Variants in SEMA5B observed in about 807,000 individuals in gnomAD.
The protein encoded by SEMA5B is semaphorin 5B.
In SEMA5B, 66 loss-of-function variants were observed where a neutral mutation model predicts 135.0. The ratio of observed to expected loss-of-function variants is 0.49; its 90% CI spans 0.40 to 0.60. The LOEUF (loss-of-function observed/expected upper bound fraction) is 0.60. SEMA5B is among the 20% of genes least tolerant of loss of function. SEMA5B has a pLI of 0.00. For missense variants in SEMA5B, 1,501 were observed against 1,566.3 expected (o/e 0.96, Z 0.70); for synonymous variants, 690 against 639.5 (o/e 1.08, Z -1.19).
chr3:122,928,457 T>G (rs1354953343), intron 7 of SEMA5B, 60 bp downstream of exon 7: 33 of 1,365,974 alleles, frequency 2.4e-5, no homozygotes, highest in Admixed American at 2.2e-4. Context: ...GCTGTGTGCC[T>G]AGGCAGGAGA....
intron 18 of SEMA5B, 87 bp from the exon 19 acceptor site, chr3:122,912,429 G>T: frequency 7.9e-7 from 1 of 1,272,404 alleles, no homozygotes; most frequent in Non-Finnish European, 1.1e-6. Flanking sequence ...AGACCACTCT[G>T]CCCTGAGCCA....
rs905558723 is a variant in SEMA5B at position 122,911,944 on chromosome 3, G to C, written c.3022C>G (p.Pro1008Ala). The C allele has an allele frequency of 3.7e-6, 6 of 1,607,550 alleles. No individual in the cohort carries two copies. In the South Asian group the frequency reaches 6.6e-5, roughly 18 times the overall value. Residue 1008 changes from proline to alanine, a missense_variant, in exon 20 of 23, where the codon CCC becomes GCC. Physicochemically the swap from Pro to Ala is conservative, Grantham distance 27 (BLOSUM62 -1). Transcript: ENST00000357599. ...ACAGNSSQSR[P>A]CPYSEIPVIL... is the part of the protein sequence containing the mutation. ...CCGGGAATCTCGCTGTAGGGGCAGGGGCGGCTCTGGCTGCTGTTTCCAGCA... is the reference window on the plus strand; with the variant it reads ...CCGGGAATCTCGCTGTAGGGGCAGGCGCGGCTCTGGCTGCTGTTTCCAGCA...
intron 1 of SEMA5B, chr3:122,976,019 C>T (rs1394392653): frequency 5.2e-6 from 8 of 1,535,154 alleles, no homozygotes; most frequent in Non-Finnish European, 6.1e-6. Context: ...TTCGCTTCTG[C>T]TTGCCCGTCC....
At chr3:123,000,180 C>T (rs1229032975) in intron 1 of SEMA5B, among the ~76,000 whole-genome samples, 1 of 152,158 alleles carries the variant, frequency 6.6e-6, no homozygotes, top group African/African-American at 2.4e-5. Flanking sequence ...TGCACTCTAT[C>T]CTGGGCAACA....
chr3:122,970,440 G>A (rs1941059156), intron 1 of SEMA5B, among the ~76,000 whole-genome samples: 1 of 152,164 alleles, frequency 6.6e-6, no homozygotes, highest in Non-Finnish European at 1.5e-5. Flanking sequence ...CCAAGATTTT[G>A]CAATTCTAGC....
At chr3:122,935,122 G>C (rs1939191842) in intron 5 of SEMA5B, among the ~76,000 whole-genome samples, 1 of 152,234 alleles carries the variant, frequency 6.6e-6, no homozygotes, top group Admixed American at 6.5e-5. Context: ...TTTGCTTTAA[G>C]AGTAAAGTAC....
chr3:123,026,976 G>A, intron 1 of SEMA5B: 1 of 154,448 alleles, frequency 6.5e-6, no homozygotes, highest in Non-Finnish European at 1.4e-5. Context: ...GTGGAGCAGG[G>A]ACGTCCCTGA....
rs1236564712 is a variant in SEMA5B, at chr3:122,915,870, T to C, written c.1709A>G (p.Asp570Gly). 7.4e-6 allele frequency: 12 copies of C among 1,613,818 alleles called. No homozygotes were observed. The highest frequency in any genetic ancestry group is 1.0e-5 in the Non-Finnish European group (12 of 1,179,916). The stretch of plus-strand genomic sequence containing the variant: ...CTTCCCGTCCCAGCCACAGTACGGG[T>C]CCCGGGCCCCCAGGCATGCCCTGCC... ...RSQGACLGAR[D>G]PYCGWDGKQQ... is the part of the protein sequence containing the mutation. The change falls in exon 13 of 23, where the codon GAC (aspartate) becomes GGC (glycine). Residue 570 changes from aspartate to glycine, a missense_variant. Physicochemically the swap from Asp to Gly is moderately conservative, Grantham distance 94 (BLOSUM62 -1). Around this residue, in one of 2 missense-constraint regions of SEMA5B, gnomAD observed 927 missense variants for 881.6 expected, o/e 1.05. Transcript: ENST00000357599.
At chr3:122,943,268 A>G (rs1939642950) in intron 4 of SEMA5B, among the ~76,000 whole-genome samples, 168 bp downstream of exon 4, 1 of 152,148 alleles carries the variant, frequency 6.6e-6, no homozygotes, top group Admixed American at 6.5e-5. Flanking sequence ...ACCCAGCCGA[A>G]ACACGCTTCC....
chr3:122,928,085 C>CT, intron 7 of SEMA5B, 82 bp from the exon 8 acceptor site: 1 of 1,028,978 alleles, frequency 9.7e-7, no homozygotes, highest in Non-Finnish European at 1.4e-6. Flanking sequence ...TTGTTTCCTC[C>CT]TGTGCCCCAG....
At chr3:122,952,990 C>A (rs193052662) in intron 2 of SEMA5B, among the ~76,000 whole-genome samples, 1 of 152,204 alleles carries the variant, frequency 6.6e-6, no homozygotes, top group Non-Finnish European at 1.5e-5. Flanking sequence ...TCCCAAACCC[C>A]CTTCCTACAC....
At position 122,941,803 on chromosome 3, in the gene SEMA5B, T is replaced by C. The variant is rs369612329; in HGVS notation, c.428+1633A>G. On this transcript the variant is annotated intron_variant, in intron 4 of 22. Coordinates refer to ENST00000357599, the MANE Select transcript of SEMA5B (RefSeq NM_001031702.4). ...ATCAAGGCCAGTTTCCTGATTTTAA[T>C]GTTGTCCTACAGTTATGCAAGATGT... 8.5e-5 allele frequency among the ~76,000 whole-genome samples: 13 copies of C among 152,384 alleles called. No individual in the cohort carries two copies. In the East Asian group the frequency reaches 2.3e-3, roughly 27 times the overall value.
intron 1 of SEMA5B, among the ~76,000 whole-genome samples, chr3:123,024,514 G>A (rs1415013880): frequency 6.6e-6 from 1 of 152,224 alleles, no homozygotes; most frequent in African/African-American, 2.4e-5. Context: ...ATGGGGACAG[G>A]AGATCTGAAT....
intron 4 of SEMA5B, among the ~76,000 whole-genome samples, chr3:122,943,053 C>T (rs1454794053): frequency 1.3e-5 from 2 of 152,336 alleles, no homozygotes; most frequent in African/African-American, 2.4e-5. Context: ...TGCAGGCCGC[C>T]GGCTGGCCGG....
At chr3:122,914,119 T>C (rs1458734960) in intron 14 of SEMA5B, 118 bp from the exon 15 acceptor site, 3 of 1,127,500 alleles carry the variant, frequency 2.7e-6, no homozygotes, top group South Asian at 3.7e-5. Flanking sequence ...GACAGTGACA[T>C]AGAAATATCT....
At position 122,910,107 on chromosome 3, in the gene SEMA5B, T is replaced by C. The variant is rs764068663; in HGVS notation, c.*36A>G. 6 of 1,604,796 alleles carry C rather than the reference T, an allele frequency of 3.7e-6. No individual in the cohort carries two copies. The highest frequency in any genetic ancestry group is 1.3e-5 in the African/African-American group (1 of 74,810). ...CCATCTCCATCTGCTCTGTGCCTTATGAAGGCAAGAAGCCCAAGTCCCCAG... is the reference window on the plus strand; with the variant it reads ...CCATCTCCATCTGCTCTGTGCCTTACGAAGGCAAGAAGCCCAAGTCCCCAG... On this transcript the variant is annotated 3_prime_UTR_variant, in exon 23 of 23. Coordinates refer to ENST00000357599, the MANE Select transcript of SEMA5B (RefSeq NM_001031702.4).
intron 19 of SEMA5B, 49 bp downstream of exon 19, chr3:122,912,123 T>A (rs1291401330): frequency 1.3e-6 from 2 of 1,587,368 alleles, no homozygotes; most frequent in East Asian, 4.5e-5. Flanking sequence ...CTGGTGGGGA[T>A]CAGAGGGCTC....
rs1405485212 is a variant in SEMA5B, at chr3:122,912,074, G to C, written c.2897-5C>G. 6.2e-7 allele frequency: 1 copy of C among 1,607,768 alleles called. No homozygotes were observed. The highest frequency in any genetic ancestry group is 2.2e-5 in the East Asian group (1 of 44,658). On this transcript the variant is annotated splice_region_variant and splice_polypyrimidine_tract_variant and intron_variant, in intron 19 of 22. Coordinates refer to ENST00000357599, the MANE Select transcript of SEMA5B (RefSeq NM_001031702.4). ...CAGACCAGGGCGACCAGCCTTCTGG[G>C]GATTGTGGGTAGGATGAGGTTAACT...
In SEMA5B at chr3:122,937,131, A is replaced by T. The variant is rs529893265; in HGVS notation, c.474+2294T>A. Among the ~76,000 whole-genome samples the T allele has an allele frequency of 3.9e-5, 6 of 152,168 alleles. No homozygotes were observed. In the South Asian group the frequency reaches 8.3e-4, roughly 21 times the overall value. ...AAGTGTAGCCCCAGGCCACAGGGAG[A>T]GTAGAGGAAGCTGGGCGGGGGCACC... On this transcript the variant is annotated intron_variant, in intron 5 of 22. Transcript: ENST00000357599.
Sources: allele counts gnomAD v4.1 joint callset (sites outside exome capture counted in the v4.1 genomes callset), GRCh38; gene constraint gnomAD v4.1.1; regional missense constraint gnomAD v4.1.1; transcripts MANE v1.5; gene names NCBI Gene and HGNC (gene_info 2026-07-23, HGNC 2026-07-21).